Variants in ACYP2 observed in about 807,000 individuals in gnomAD.
ACYP2 encodes acylphosphatase 2, also known as acylphosphatase-2.
A neutral mutation model predicts 11.2 loss-of-function variants in ACYP2; 12 were observed. The ratio of observed to expected loss-of-function variants is 1.08; its 90% confidence interval spans 0.69 to 1.74. The LOEUF (loss-of-function observed/expected upper bound fraction) is 1.74. Ranked by LOEUF, ACYP2 falls within the 40% of genes most tolerant of loss-of-function variation. The pLI, the probability that ACYP2 is intolerant of heterozygous loss-of-function variation, is 0.00. For missense variants in ACYP2, 134 were observed against 101.9 expected, an observed-to-expected ratio of 1.31 and a Z score of -1.35; for synonymous variants, 43 against 32.2, an observed-to-expected ratio of 1.33 and a Z score of -1.13.
At chr2:54,232,909 T>C (rs1686301506) in intron 6 of ACYP2, among the ~76,000 whole-genome samples, 1 of 152,158 alleles carries the variant, frequency 6.6e-6, no homozygotes, top group African/African-American at 2.4e-5. Context: ...CAATTCGAGA[T>C]GAGATTTGGG....
At chr2:54,072,366 C>T (rs1408662801) in intron 4 of ACYP2, among the ~76,000 whole-genome samples, 1 of 148,046 alleles carries the variant, frequency 6.8e-6, no homozygotes, top group African/African-American at 2.4e-5. Flanking sequence ...AGTGCAGTGG[C>T]ATAATCACAG....
chr2:54,153,668 C>T lies in ACYP2; in HGVS notation c.404+14920C>T, dbSNP rs150100211. On this transcript the variant is annotated intron_variant, in intron 6 of 6. Coordinates refer to ENST00000607452, the MANE Select transcript of ACYP2 (RefSeq NM_001320586.2). ...AGGCTGGAGTGCAGTGGCGTGATCT[C>T]GGCTCACTGCAAGCTCTGCCTCCTG... 8.8e-4 allele frequency among the ~76,000 whole-genome samples: 131 copies of T among 149,296 alleles called. 1 individual carries two copies. Among genetic ancestry groups the T allele is most frequent in the African/African-American group, 3.1e-3 (126 of 40,508 alleles).
rs185148269 is a variant in ACYP2, at chr2:54,186,522, T to C, written c.404+47774T>C. ...CATTTTGTTGTTGTTGTTGTTGTTA[T>C]CGTTTTCAGAGATGGAGTTTCGCTC... On this transcript the variant is annotated intron_variant, in intron 6 of 6. Transcript: ENST00000607452. 5.5e-4 allele frequency among the ~76,000 whole-genome samples: 84 copies of C among 152,308 alleles called. No individual in the cohort carries two copies. The South Asian group carries it at 0.015, about 28-fold the overall frequency.
chr2:54,194,814 C>A (rs967056647), intron 6 of ACYP2, among the ~76,000 whole-genome samples: 1 of 152,124 alleles, frequency 6.6e-6, no homozygotes, highest in Admixed American at 6.5e-5. Flanking sequence ...CTTTTATGAA[C>A]CTTTATACCT....
chr2:54,098,702 C>T (rs1401309189), intron 4 of ACYP2, among the ~76,000 whole-genome samples: 1 of 150,162 alleles, frequency 6.7e-6, no homozygotes, highest in African/African-American at 2.4e-5. Flanking sequence ...CTGTGCTGGT[C>T]CTCTCTGATT....
At position 53,972,469 on chromosome 2, in the gene ACYP2, T is replaced by C. The variant is rs567454679; in HGVS notation, c.-37+1148T>C. On this transcript the variant is annotated intron_variant, in intron 1 of 6. Coordinates refer to ENST00000607452, the MANE Select transcript of ACYP2 (RefSeq NM_001320586.2). ...AAAATACAAAAAAATTAGCCGGGCA[T>C]GGTGGCGGGCGCCTGTAGTCCCAGC... is the stretch of plus-strand genomic sequence containing the variant. Among the ~76,000 whole-genome samples, 12 of 151,870 alleles carry C rather than the reference T, an allele frequency of 7.9e-5. No homozygotes were observed. In the South Asian group the frequency reaches 2.5e-3, roughly 32 times the overall value.
intron 6 of ACYP2, among the ~76,000 whole-genome samples, chr2:54,291,905 A>G (rs1291244977): frequency 6.6e-6 from 1 of 152,210 alleles, no homozygotes; most frequent in African/African-American, 2.4e-5. Flanking sequence ...TCTGGTAGAA[A>G]CTTTAGGAAT....
chr2:54,016,917 G>T (rs548277479), intron 2 of ACYP2, among the ~76,000 whole-genome samples: 39 of 152,018 alleles, frequency 2.6e-4, no homozygotes, highest in African/African-American at 8.4e-4. Context: ...AGTAGAGATG[G>T]GGTTTCACCG....
intron 4 of ACYP2, among the ~76,000 whole-genome samples, chr2:54,130,221 G>T (rs1310795415): frequency 6.6e-6 from 1 of 152,128 alleles, no homozygotes; most frequent in Admixed American, 6.6e-5. Flanking sequence ...GGTGACATTT[G>T]TATGGAGGGA....
chr2:54,066,750 T>G (rs2103640895), intron 4 of ACYP2, among the ~76,000 whole-genome samples: 1 of 152,300 alleles, frequency 6.6e-6, no homozygotes, highest in East Asian at 1.9e-4. Context: ...AAGAAGTAGT[T>G]AAAGGAATTT....
At chr2:54,239,041 C>G (rs1427166173) in intron 6 of ACYP2, among the ~76,000 whole-genome samples, 1 of 151,842 alleles carries the variant, frequency 6.6e-6, no homozygotes, top group Admixed American at 6.6e-5. Context: ...AATTTATTTC[C>G]CTAAATAAAT....
intron 6 of ACYP2, among the ~76,000 whole-genome samples, chr2:54,288,678 C>A (rs1443999985): frequency 6.6e-6 from 1 of 152,024 alleles, no homozygotes. Flanking sequence ...CTTTTAGGAT[C>A]AATTCCTTGA....
At chr2:54,038,658 A>G (rs1370358105) in intron 2 of ACYP2, among the ~76,000 whole-genome samples, 2 of 118,800 alleles carry the variant, frequency 1.7e-5, no homozygotes, top group East Asian at 2.5e-4. Flanking sequence ...TCATTCAATA[A>G]ATCTTTATTG....
intron 2 of ACYP2, among the ~76,000 whole-genome samples, chr2:54,017,267 C>CTTTTCTT: frequency 8.4e-6 from 1 of 119,708 alleles, no homozygotes; most frequent in Non-Finnish European, 1.6e-5. Context: ...CTTTTCTTTT[C>CTTTTCTT]TTTTCTTTTT....
intron 6 of ACYP2, among the ~76,000 whole-genome samples, chr2:54,197,228 T>A (rs935501940): frequency 2.6e-5 from 4 of 152,118 alleles, no homozygotes; most frequent in African/African-American, 9.7e-5. Context: ...GGAGTTGATG[T>A]TGGGTTGAGA....
At chr2:54,187,016 A>AT (rs951342363) in intron 6 of ACYP2, among the ~76,000 whole-genome samples, 16 of 150,954 alleles carry the variant, frequency 1.1e-4, no homozygotes, top group African/African-American at 2.7e-4. Flanking sequence ...TCAAATTAGA[A>AT]TTTTTTTTTT....
chr2:54,216,832 G>A (rs1396192215), intron 6 of ACYP2, among the ~76,000 whole-genome samples: 1 of 152,160 alleles, frequency 6.6e-6, no homozygotes, highest in Non-Finnish European at 1.5e-5. Context: ...CTACTGCACT[G>A]AGGTCTAATC....
At chr2:54,209,928 G>T (rs917577751) in intron 6 of ACYP2, among the ~76,000 whole-genome samples, 21 of 152,128 alleles carry the variant, frequency 1.4e-4, no homozygotes, top group Admixed American at 9.2e-4. Flanking sequence ...ATCGCTTGAG[G>T]CCAGGAGTTC....
chr2:54,249,154 G>C (rs930528156), intron 6 of ACYP2, among the ~76,000 whole-genome samples: 1 of 152,088 alleles, frequency 6.6e-6, no homozygotes, highest in Admixed American at 6.6e-5. Context: ...AAAGGGACAT[G>C]ATTACTTTGT....
Sources: gnomAD v4.1 joint callset for allele counts (sites outside exome capture counted in the v4.1 genomes callset) on GRCh38, gnomAD v4.1.1 for gene constraint, MANE v1.5 for transcripts, NCBI Gene and HGNC (gene_info 2026-07-23, HGNC 2026-07-21) for gene names.